The following SLC12A7 variants were observed in gnomAD, a reference collection of about 807,000 sequenced individuals.
SLC12A7 encodes the protein K-Cl cotransporter 4.
A neutral mutation model predicts 120.6 loss-of-function variants in SLC12A7; 100 were observed. That is an observed-to-expected ratio of 0.83 (90% confidence interval 0.71 to 0.98). The LOEUF (loss-of-function observed/expected upper bound fraction) is 0.98, where lower values mean the gene tolerates loss of function less well. Ranked by LOEUF, SLC12A7 falls within the 50% of genes least tolerant of loss-of-function variation. SLC12A7 has a pLI of 0.00. For synonymous variants in SLC12A7, 760 were observed against 678.0 expected (o/e 1.12, Z -1.88); for missense variants, 1,373 against 1,548.1 (o/e 0.89, Z 1.90).
rs556420740 is a variant in SLC12A7 at position 1,100,196 on chromosome 5, G to A, written c.125-5948C>T. 1.1e-4 allele frequency among the ~76,000 whole-genome samples: 16 copies of A among 152,306 alleles called. No individual in the cohort carries two copies. The South Asian group carries it at 2.7e-3, about 26-fold the overall frequency. ...CTCACGAAGCCCGTGAATCATCCAC[G>A]AATGTCCCTCACCCTCGGGCGGCAC... On this transcript the variant is annotated intron_variant, in intron 1 of 23. Transcript: ENST00000264930.
At chr5:1,055,802 G>T (rs1735550666) in intron 22 of SLC12A7, among the ~76,000 whole-genome samples, 1 of 152,254 alleles carries the variant, frequency 6.6e-6, no homozygotes, top group African/African-American at 2.4e-5. Context: ...GGCACTTTCA[G>T]ATTTACAGAA....
chr5:1,111,901 G>A lies in SLC12A7; in HGVS notation c.91C>T (p.Pro31Ser). 1 of 1,242,176 alleles carries A rather than the reference G, an allele frequency of 8.1e-7. No homozygotes were observed. Among genetic ancestry groups the A allele is most frequent in the Non-Finnish European group, 1.0e-6 (1 of 991,382 alleles). The allele number at this position is 1,242,176 out of a possible 1,614,324, so 76.9% of individuals were successfully genotyped here. ...TAERTEAPGT[P>S]EGPEPERPSP... is the part of the protein sequence containing the mutation. Reference sequence around the variant, plus strand: ...GGGCGCTCGGGCTCGGGGCCCTCGGGGGTGCCCGGAGCCTCCGTCCGCTCG... The same window carrying A: ...GGGCGCTCGGGCTCGGGGCCCTCGGAGGTGCCCGGAGCCTCCGTCCGCTCG... The change falls in exon 1 of 24, where the codon CCC becomes TCC. Residue 31 changes from proline to serine, a missense_variant. Coordinates refer to ENST00000264930, the MANE Select transcript of SLC12A7 (RefSeq NM_006598.3).
At chr5:1,095,056 C>T (rs1450738162) in intron 1 of SLC12A7, among the ~76,000 whole-genome samples, 1 of 79,206 alleles carries the variant, frequency 1.3e-5, no homozygotes, top group Non-Finnish European at 3.5e-5. Flanking sequence ...GAGGCGGGGC[C>T]GGTAGGAGGT....
intron 1 of SLC12A7, among the ~76,000 whole-genome samples, chr5:1,103,841 C>G (rs542988430): frequency 6.6e-6 from 1 of 152,254 alleles, no homozygotes; most frequent in African/African-American, 2.4e-5. Flanking sequence ...CTTCCCGAAC[C>G]CTCTGTCACG....
At chr5:1,101,127 C>T (rs1477017542) in intron 1 of SLC12A7, among the ~76,000 whole-genome samples, 2 of 152,214 alleles carry the variant, frequency 1.3e-5, no homozygotes, top group Non-Finnish European at 2.9e-5. Context: ...TCAGCGCCCT[C>T]TCCCCAGAGG....
intron 3 of SLC12A7, among the ~76,000 whole-genome samples, chr5:1,093,184 G>A (rs1397252177): frequency 1.3e-5 from 2 of 152,186 alleles, no homozygotes; most frequent in Non-Finnish European, 2.9e-5. Context: ...CCCTCTGGAA[G>A]GGGCCACGTC....
the SLC12A7 span, among the ~76,000 whole-genome samples, chr5:1,136,525 T>TATGCTCAGACACCAACACCAGG: frequency 2.5e-5 from 1 of 39,358 alleles, no homozygotes; most frequent in Non-Finnish European, 4.3e-5. Context: ...CCAACACCAG[T>TATGCTCAGACACCAACACCAGG]ACACGCAGGC....
rs1243266607 is a variant in SLC12A7, at chr5:1,076,048, T to C, written c.1847+90A>G. 4 of 1,106,362 alleles carry C rather than the reference T, an allele frequency of 3.6e-6. No individual in the cohort carries two copies. The East Asian group carries it at 7.8e-5, about 22-fold the overall frequency. 68.5% of individuals were successfully genotyped at this position (1,106,362 alleles called of 1,614,324 possible). A position where few individuals can be genotyped will look rare whatever the true frequency, so the allele number is the denominator to read the frequency against. ...CCAGTGTCCCAGCCTGTGGGGCTCC[T>C]GACGCCTGTGCTGAGCGGCCTCACC... On this transcript the variant is annotated intron_variant, in intron 14 of 23. Coordinates refer to ENST00000264930, the MANE Select transcript of SLC12A7 (RefSeq NM_006598.3).
rs192255962 is a variant in SLC12A7, at chr5:1,079,235, C to T, written c.1396+163G>A. ...GGTGAAGAAGCCAGGGTCCTGACAG[C>T]AGCCCTTGCCCCGTCTCCCAGGGAG... is the stretch of plus-strand genomic sequence containing the variant. On this transcript the variant is annotated intron_variant, in intron 10 of 23. Transcript: ENST00000264930. Among the ~76,000 whole-genome samples the T allele has an allele frequency of 1.4e-3, 206 of 152,336 alleles. 1 individual carries two copies. The highest frequency in any genetic ancestry group is 4.5e-3 in the African/African-American group (189 of 41,580).
chr5:1,128,483 G>T, the SLC12A7 span, among the ~76,000 whole-genome samples: 1 of 152,222 alleles, frequency 6.6e-6, no homozygotes, highest in Non-Finnish European at 1.5e-5. Context: ...CCCCAACAGG[G>T]GTTTCCTTCC....
chr5:1,153,768 A>G, the SLC12A7 span, among the ~76,000 whole-genome samples: 1 of 152,230 alleles, frequency 6.6e-6, no homozygotes, highest in Non-Finnish European at 1.5e-5. Context: ...CTCCACAGAG[A>G]AAATCAAGAG....
chr5:1,152,180 C>T, the SLC12A7 span, among the ~76,000 whole-genome samples: 1 of 152,194 alleles, frequency 6.6e-6, no homozygotes, highest in Non-Finnish European at 1.5e-5. Context: ...TGGACCCTCC[C>T]ACAGGACTAG....
chr5:1,112,021 G>C lies in SLC12A7; in HGVS notation c.-30C>G, dbSNP rs939720509. ...GCCTGCAGCCGACAGTCCCCGTCCCGGCCCGGCCCGCGCTGCGCCGCTCCC... is the reference window on the plus strand; with the variant it reads ...GCCTGCAGCCGACAGTCCCCGTCCCCGCCCGGCCCGCGCTGCGCCGCTCCC... On this transcript the variant is annotated 5_prime_UTR_variant, in exon 1 of 24. Transcript: ENST00000264930. 1.9e-5 allele frequency: 23 copies of C among 1,239,718 alleles called. No homozygotes were observed. The African/African-American group carries it at 2.0e-4, about 11-fold the overall frequency. The allele number at this position is 1,239,718 out of a possible 1,614,324, so 76.8% of individuals were successfully genotyped here. A position where few individuals can be genotyped will look rare whatever the true frequency, so the allele number is the denominator to read the frequency against.
rs1334034698 is a variant in SLC12A7, at chr5:1,069,440, C to T, written c.2242-3962G>A. Reference sequence around the variant, plus strand: ...GCGGCTGCAGATGCCTGGACACACCCACAAGGTCCCAGTGGGGGCCTGGCA... The same window carrying T: ...GCGGCTGCAGATGCCTGGACACACCTACAAGGTCCCAGTGGGGGCCTGGCA... On this transcript the variant is annotated intron_variant, in intron 17 of 23. Transcript: ENST00000264930. 1.3e-5 allele frequency among the ~76,000 whole-genome samples: 2 copies of T among 152,334 alleles called. 1 individual carries two copies. Among genetic ancestry groups the T allele is most frequent in the South Asian group, 4.1e-4 (2 of 4,834 alleles).
chr5:1,081,431 G>A (rs1579378803), intron 9 of SLC12A7, 146 bp downstream of exon 9: 1 of 799,188 alleles, frequency 1.3e-6, no homozygotes, highest in Non-Finnish European at 1.9e-6. Flanking sequence ...ACTCAGGTGG[G>A]AGGAATATTT....
intron 1 of SLC12A7, among the ~76,000 whole-genome samples, chr5:1,111,383 G>T (rs1380136889): frequency 6.6e-6 from 1 of 152,188 alleles, no homozygotes; most frequent in African/African-American, 2.4e-5. Flanking sequence ...GCCTCTGGGG[G>T]GTGGGCGGCT....
rs180877687 is a variant in SLC12A7, at chr5:1,064,569, G to A, written c.2438-317C>T. 1.8e-3 allele frequency among the ~76,000 whole-genome samples: 274 copies of A among 152,378 alleles called. 1 individual carries two copies. The highest frequency in any genetic ancestry group is 5.9e-3 in the African/African-American group (246 of 41,592). The stretch of plus-strand genomic sequence containing the variant: ...GCCTCAGAGCACACACCCTCGGGTC[G>A]GTGGCCTCAAGGCCCATCGGGACCT... On this transcript the variant is annotated intron_variant, in intron 18 of 23. Coordinates refer to ENST00000264930, the MANE Select transcript of SLC12A7 (RefSeq NM_006598.3).
Position 1,052,364 on chromosome 5 carries a change from G to T in SLC12A7, c.3248C>A (p.Ser1083Tyr), listed in dbSNP as rs749811325. 1 of 1,612,328 alleles carries T rather than the reference G, an allele frequency of 6.2e-7. No individual in the cohort carries two copies. Among genetic ancestry groups the T allele is most frequent in the East Asian group, 2.2e-5 (1 of 44,868 alleles). The change falls in exon 24 of 24, where the codon TCC becomes TAC. Residue 1083 changes from serine (S) to tyrosine (Y), a missense_variant. Physicochemically the swap from Ser to Tyr is moderately radical, Grantham distance 144. Coordinates refer to ENST00000264930, the MANE Select transcript of SLC12A7 (RefSeq NM_006598.3). ...GTGCCGTGATGCTGTTGGGCATTAGGAGTAGATGGTGATCACCTCCCGGCC... is the reference window on the plus strand; with the variant it reads ...GTGCCGTGATGCTGTTGGGCATTAGTAGTAGATGGTGATCACCTCCCGGCC... Reference protein sequence around the residue: ...GGGREVITIYS With the variant: ...GGGREVITIYY
chr5:1,085,150 T>C (rs930477727), intron 7 of SLC12A7, 82 bp downstream of exon 7: 5 of 1,554,190 alleles, frequency 3.2e-6, no homozygotes, highest in Non-Finnish European at 4.4e-6. Flanking sequence ...GCGTCAAGGA[T>C]GATGGACGAG....
Sources: allele counts gnomAD v4.1 joint callset (sites outside exome capture counted in the v4.1 genomes callset), GRCh38; gene constraint gnomAD v4.1.1; transcripts MANE v1.5; gene names NCBI Gene and HGNC (gene_info 2026-07-23, HGNC 2026-07-21).